SCAMP1: variants seen among roughly 807,000 people sequenced by gnomAD.
The protein encoded by SCAMP1 is secretory carrier-associated membrane protein 1.
A neutral mutation model predicts 41.8 loss-of-function variants in SCAMP1; 15 were observed. The ratio of observed to expected loss-of-function variants is 0.36; its 90% CI spans 0.24 to 0.55. The LOEUF (loss-of-function observed/expected upper bound fraction) is 0.55. SCAMP1 is among the 20% of genes least tolerant of loss of function. The pLI, the probability that SCAMP1 is intolerant of heterozygous loss-of-function variation, is 0.86. For synonymous variants in SCAMP1, 135 were observed against 136.8 expected (o/e 0.99, Z 0.09); for missense variants, 341 against 412.6 (o/e 0.83, Z 1.50).
In SCAMP1 at chr5:78,480,032, C is replaced by T. The variant is rs185501205; in HGVS notation, c.*4364C>T. The stretch of plus-strand genomic sequence containing the variant: ...CTGCACTCCAGCCTGGGCGACAGAG[C>T]GAGACTCCATCTCAAGAAAAAAAAA... On this transcript the variant is annotated 3_prime_UTR_variant, in exon 9 of 9. Coordinates refer to ENST00000621999, the MANE Select transcript of SCAMP1 (RefSeq NM_004866.6). 9.5e-4 allele frequency among the ~76,000 whole-genome samples: 141 copies of T among 147,996 alleles called. 2 individuals carry two copies. Among genetic ancestry groups the T allele is most frequent in the African/African-American group, 3.3e-3 (129 of 39,078 alleles).
chr5:78,390,123 T>C (rs1284579410), intron 2 of SCAMP1, among the ~76,000 whole-genome samples: 2 of 152,050 alleles, frequency 1.3e-5, no homozygotes, highest in Non-Finnish European at 2.9e-5. Context: ...ATAGTCCAGG[T>C]AGGTAGTATC....
At chr5:78,438,133 T>A (rs1189747794) in intron 6 of SCAMP1, among the ~76,000 whole-genome samples, 1 of 152,220 alleles carries the variant, frequency 6.6e-6, no homozygotes, top group East Asian at 1.9e-4. Context: ...GCTAGCAGTC[T>A]GTCAATTTTG....
intron 1 of SCAMP1, among the ~76,000 whole-genome samples, chr5:78,379,197 T>G (rs1751138467): frequency 6.6e-6 from 1 of 152,242 alleles, no homozygotes; most frequent in Admixed American, 6.5e-5. Context: ...GGCCACAGCT[T>G]CTTTCTCTGA....
intron 1 of SCAMP1, among the ~76,000 whole-genome samples, chr5:78,363,605 T>C (rs1338702596): frequency 6.6e-6 from 1 of 152,262 alleles, no homozygotes; most frequent in East Asian, 1.9e-4. Context: ...CTAATTTCTT[T>C]TTCATTAAAT....
chr5:78,385,877 T>C (rs1392506727), intron 1 of SCAMP1, among the ~76,000 whole-genome samples: 2 of 152,192 alleles, frequency 1.3e-5, no homozygotes, highest in African/African-American at 4.8e-5. Flanking sequence ...GTGGTCTATC[T>C]TGGGGAATGT....
intron 6 of SCAMP1, among the ~76,000 whole-genome samples, chr5:78,448,541 C>T (rs1580703805): frequency 1.3e-5 from 2 of 152,216 alleles, no homozygotes; most frequent in East Asian, 3.9e-4. Flanking sequence ...ACAAAAAGCA[C>T]ATAAAAAGAT....
rs766919689 is a variant in SCAMP1, at chr5:78,421,771, C to T, written c.473-30C>T. On this transcript the variant is annotated intron_variant, in intron 5 of 8. Transcript: ENST00000621999. Reference sequence around the variant, plus strand: ...ATTCATAAATTGAATGTAAATCTTTCTTTTTCTATTTTGTTTTCTGATTCC... The same window carrying T: ...ATTCATAAATTGAATGTAAATCTTTTTTTTTCTATTTTGTTTTCTGATTCC... The T allele has an allele frequency of 2.6e-6, 4 of 1,561,708 alleles. No homozygotes were observed. The African/African-American group carries it at 4.1e-5, about 16-fold the overall frequency.
At chr5:78,429,336 G>T (rs1370246306) in intron 6 of SCAMP1, among the ~76,000 whole-genome samples, 4 of 131,700 alleles carry the variant, frequency 3.0e-5, no homozygotes, top group East Asian at 2.4e-4. Context: ...TTTCCAGTTT[G>T]TTGAGTTGGT....
rs376539546 is a variant in SCAMP1 at position 78,457,258 on chromosome 5, G to T, written c.735-1987G>T. 2.0e-4 allele frequency among the ~76,000 whole-genome samples: 31 copies of T among 152,192 alleles called. No homozygotes were observed. The East Asian group carries it at 3.5e-3, about 17-fold the overall frequency. ...TGCGTTCCTTTGGTAGAGGAGAGGC[G>T]CTCTGCGTTTTAGAGTTTCCAGTTT... On this transcript the variant is annotated intron_variant, in intron 7 of 8. Transcript: ENST00000621999.
rs866429416 is a variant in SCAMP1 at position 78,465,851 on chromosome 5, C to T, written c.852+6489C>T. 5.9e-5 allele frequency among the ~76,000 whole-genome samples: 9 copies of T among 152,300 alleles called. No homozygotes were observed. In the South Asian group the frequency reaches 1.2e-3, roughly 21 times the overall value. On this transcript the variant is annotated intron_variant, in intron 8 of 8. Transcript: ENST00000621999. ...TGGTCCACAAGTGGGATTTCTTCTT[C>T]CTCAGAGGAACTCCAGTTGTGTTCT...
intron 6 of SCAMP1, among the ~76,000 whole-genome samples, chr5:78,425,878 A>G (rs1356192658): frequency 6.6e-6 from 1 of 152,134 alleles, no homozygotes; most frequent in African/African-American, 2.4e-5. Context: ...TGCTGCACCT[A>G]TCAACCCATC....
chr5:78,414,569 C>T (rs1387290610), intron 2 of SCAMP1, among the ~76,000 whole-genome samples: 1 of 152,172 alleles, frequency 6.6e-6, no homozygotes, highest in Admixed American at 6.5e-5. Context: ...GCATAGGACA[C>T]TGCGCCCGGC....
chr5:78,462,713 T>C (rs1328711537), intron 8 of SCAMP1, among the ~76,000 whole-genome samples: 3 of 152,206 alleles, frequency 2.0e-5, no homozygotes, highest in African/African-American at 7.2e-5. Context: ...CACTTCTTCC[T>C]GTAGAATTCC....
intron 6 of SCAMP1, among the ~76,000 whole-genome samples, chr5:78,446,377 A>G (rs930227902): frequency 3.9e-4 from 60 of 152,220 alleles, no homozygotes; most frequent in African/African-American, 1.3e-3. Flanking sequence ...GGTAATGGAC[A>G]TAGCTGTTGT....
At chr5:78,447,983 C>T (rs1171874646) in intron 6 of SCAMP1, among the ~76,000 whole-genome samples, 3 of 35,306 alleles carry the variant, frequency 8.5e-5, no homozygotes, top group African/African-American at 1.3e-4. Context: ...CCTCCTCCCC[C>T]GTCCTCTCCT....
intron 8 of SCAMP1, among the ~76,000 whole-genome samples, chr5:78,471,830 A>G (rs1753889305): frequency 6.6e-6 from 1 of 152,148 alleles, no homozygotes; most frequent in Non-Finnish European, 1.5e-5. Context: ...TCTTTAGGAA[A>G]ACTCAGAGGA....
intron 8 of SCAMP1, among the ~76,000 whole-genome samples, chr5:78,463,667 A>T (rs1753670546): frequency 6.6e-6 from 1 of 152,234 alleles, no homozygotes. Flanking sequence ...AAATGTATAA[A>T]ATGGGCAAAT....
chr5:78,360,770 G>A (rs748921314), intron 1 of SCAMP1, 42 bp downstream of exon 1: 13 of 1,569,200 alleles, frequency 8.3e-6, no homozygotes, highest in African/African-American at 2.7e-5. Context: ...GCGACGCGTC[G>A]TTGTTTGTGA....
intron 2 of SCAMP1, among the ~76,000 whole-genome samples, chr5:78,411,550 G>A (rs1752077313): frequency 6.6e-6 from 1 of 151,960 alleles, no homozygotes; most frequent in South Asian, 2.1e-4. Flanking sequence ...ATACAGCTTT[G>A]TTTCATAACT....
Sources: allele counts gnomAD v4.1 joint callset (sites outside exome capture counted in the v4.1 genomes callset), GRCh38; gene constraint gnomAD v4.1.1; transcripts MANE v1.5; gene names NCBI Gene and HGNC (gene_info 2026-07-23, HGNC 2026-07-21).